IGF2R: variants seen among roughly 807,000 people sequenced by gnomAD.
IGF2R encodes the protein cation-independent mannose-6-phosphate receptor.
Under a neutral mutation model 270.6 loss-of-function variants are expected in IGF2R, and 91 were observed. That is an observed-to-expected ratio of 0.34 (90% CI 0.28 to 0.40). IGF2R has a LOEUF of 0.40. IGF2R is among the 10% of genes least tolerant of loss of function. The pLI, the probability that IGF2R is intolerant of heterozygous loss-of-function variation, is 1.00. For missense variants in IGF2R, 2,805 were observed against 3,188.3 expected (o/e 0.88, Z 2.90); for synonymous variants, 1,316 against 1,258.9 (o/e 1.05, Z -0.96).
chr6:160,067,308 C>G (rs573484829), intron 29 of IGF2R, among the ~76,000 whole-genome samples: 2 of 152,202 alleles, frequency 1.3e-5, no homozygotes, highest in South Asian at 4.2e-4. Context: ...ATTCACAGGT[C>G]CCCTTCTCGG....
chr6:160,054,598 A>G (rs998163627), intron 19 of IGF2R, among the ~76,000 whole-genome samples: 1 of 152,212 alleles, frequency 6.6e-6, no homozygotes, highest in Non-Finnish European at 1.5e-5. Flanking sequence ...TAACGAGGAA[A>G]GGGGTGTAAT....
chr6:160,077,270 G>A (rs756391558), intron 36 of IGF2R, among the ~76,000 whole-genome samples: 1 of 152,196 alleles, frequency 6.6e-6, no homozygotes, highest in Non-Finnish European at 1.5e-5. Flanking sequence ...TTATAGGGGT[G>A]TCTGGGTGTG....
chr6:160,015,221 A>G (rs556229520), intron 4 of IGF2R, among the ~76,000 whole-genome samples: 30 of 152,330 alleles, frequency 2.0e-4, no homozygotes, highest in African/African-American at 5.5e-4. Flanking sequence ...TAAAAGATAA[A>G]ATTTTGGGAA....
At position 160,084,174 on chromosome 6, in the gene IGF2R, A is replaced by G. The variant is rs1255456660; in HGVS notation, c.6058A>G (p.Asn2020Asp). The G allele has an allele frequency of 6.2e-7, 1 of 1,609,642 alleles. No homozygotes were observed. The highest frequency in any genetic ancestry group is 8.5e-7 in the Non-Finnish European group (1 of 1,175,952). ...CACCGGGTCCTGGTCCCTCGTCCAC[A>G]ACGGAGTCTCGTGAGTGCCTTCCCA... Reference protein sequence around the residue: ...SLTGSWSLVHNGVSYYINLCQ... With the variant: ...SLTGSWSLVHDGVSYYINLCQ... The change falls in exon 40 of 48, where the codon AAC becomes GAC. Residue 2020 changes from asparagine to aspartate, a missense_variant. Asn to Asp is a conservative substitution (Grantham distance 23). Transcript: ENST00000356956. This position sits in a 1 kb window ranked among gnomAD's most constrained non-coding sequence, Gnocchi z 4.6.
rs1176676050 is a variant in IGF2R at position 160,064,463 on chromosome 6, G to C, written c.3949G>C (p.Asp1317His). The C allele has an allele frequency of 6.2e-7, 1 of 1,613,924 alleles. No homozygotes were observed. Among genetic ancestry groups the C allele is most frequent in the Non-Finnish European group, 8.5e-7 (1 of 1,179,964 alleles). ...GTTAAAAATGAACTTCACGGGGGGGGACACTTGCCATAAGGTTTATCAGCG... is the reference window on the plus strand; with the variant it reads ...GTTAAAAATGAACTTCACGGGGGGGCACACTTGCCATAAGGTTTATCAGCG... ...GLLKMNFTGG[D>H]TCHKVYQRST... The change falls in exon 28 of 48, where the codon GAC becomes CAC. Residue 1317 changes from aspartate (D) to histidine (H), a missense_variant. Coordinates refer to ENST00000356956, the MANE Select transcript of IGF2R (RefSeq NM_000876.4).
chr6:159,984,038 A>G (rs1214130093), intron 1 of IGF2R, among the ~76,000 whole-genome samples: 1 of 152,228 alleles, frequency 6.6e-6, no homozygotes, highest in Non-Finnish European at 1.5e-5. Flanking sequence ...AAGGAAAAGC[A>G]TATGATCTGT....
chr6:160,065,900 G>A (rs1261931769), intron 29 of IGF2R, among the ~76,000 whole-genome samples: 3 of 146,732 alleles, frequency 2.0e-5, no homozygotes, highest in Non-Finnish European at 4.5e-5. Flanking sequence ...GTGCAGTGGC[G>A]TGATCTTGTC....
intron 1 of IGF2R, among the ~76,000 whole-genome samples, chr6:159,975,334 G>A (rs530062512): frequency 6.6e-6 from 1 of 152,196 alleles, no homozygotes; most frequent in Non-Finnish European, 1.5e-5. Context: ...TGGGGAAGGG[G>A]TGCGGAGCCT....
At chr6:160,040,233 C>T (rs1331901582) in intron 10 of IGF2R, among the ~76,000 whole-genome samples, 2 of 152,122 alleles carry the variant, frequency 1.3e-5, no homozygotes, top group Admixed American at 6.5e-5. Flanking sequence ...GACCACAGCC[C>T]GGGAGCAGAG....
intron 10 of IGF2R, among the ~76,000 whole-genome samples, chr6:160,037,908 A>G (rs1037366245): frequency 2.6e-5 from 4 of 151,984 alleles, no homozygotes; most frequent in Non-Finnish European, 5.9e-5. Flanking sequence ...TGGGAACATC[A>G]ATTTGCTTTG....
At chr6:160,019,601 C>A (rs1205010338) in intron 4 of IGF2R, among the ~76,000 whole-genome samples, 1 of 152,140 alleles carries the variant, frequency 6.6e-6, no homozygotes, top group East Asian at 1.9e-4. Flanking sequence ...AACAGCACTT[C>A]AGAAAAATAA....
At chr6:160,071,149 C>A (rs404209) in intron 31 of IGF2R, among the ~76,000 whole-genome samples, 67,877 of 144,690 alleles carry the variant, frequency 0.47, 16,552 homozygotes, top group East Asian at 0.65. Flanking sequence ...CTCTGTGCCC[C>A]AGACCCAGGA....
At chr6:160,092,097 G>T (rs910440066) in intron 44 of IGF2R, among the ~76,000 whole-genome samples, 3 of 144,990 alleles carry the variant, frequency 2.1e-5, no homozygotes, top group African/African-American at 7.7e-5. Context: ...TGGTGTGTCT[G>T]CAGGATTCCA....
At chr6:160,071,874 G>A (rs201480073) in intron 31 of IGF2R, 36 bp from the exon 32 acceptor site, 88 of 1,606,090 alleles carry the variant, frequency 5.5e-5, no homozygotes, top group Non-Finnish European at 6.7e-5. Flanking sequence ...GAGTTTTTGC[G>A]TGATCCCTTC....
At chr6:160,010,452 G>T (rs1784316270) in intron 3 of IGF2R, 1 of 410,870 alleles carries the variant, frequency 2.4e-6, no homozygotes, top group Admixed American at 3.8e-5. Context: ...TGGGGCGGTA[G>T]AATTCCTTTG....
Position 160,046,510 on chromosome 6 carries a change from A to T in IGF2R, c.1916A>T (p.Asp639Val). 2 of 1,606,946 alleles carry T rather than the reference A, an allele frequency of 1.2e-6. No individual in the cohort carries two copies. The highest frequency in any genetic ancestry group is 1.7e-6 in the Non-Finnish European group (2 of 1,178,468). The change falls in exon 15 of 48, where the codon GAC becomes GTC. Residue 639 changes from aspartate (D) to valine (V), a missense_variant. Coordinates refer to ENST00000356956, the MANE Select transcript of IGF2R (RefSeq NM_000876.4). ...VFDSQAGFSFDLSPLTKKNGA... is the reference protein window; with the variant it reads ...VFDSQAGFSFVLSPLTKKNGA... ...TATTCTTTCTTAGGGTTTTCTTTTG[A>T]CTTATCACCTCTCACAAAGAAAAAT...
In IGF2R at chr6:160,073,635, G is replaced by A. The variant is rs868381182; in HGVS notation, c.4948-122G>A. The A allele has an allele frequency of 8.1e-5, 87 of 1,074,786 alleles. 1 individual carries two copies. In the Middle Eastern group the frequency reaches 8.8e-3, roughly 109 times the overall value. The allele number at this position is 1,074,786 out of a possible 1,614,324, so 66.6% of individuals were successfully genotyped here. The stretch of plus-strand genomic sequence containing the variant: ...GAAGTGCCCAGTGCTATGTAATGAA[G>A]CATTTTGACACCTTTCTACTTTTTT... On this transcript the variant is annotated intron_variant, in intron 34 of 47. Coordinates refer to ENST00000356956, the MANE Select transcript of IGF2R (RefSeq NM_000876.4).
chr6:160,040,461 C>T, intron 10 of IGF2R, 99 bp from the exon 11 acceptor site: 1 of 942,996 alleles, frequency 1.1e-6, no homozygotes, highest in Non-Finnish European at 1.6e-6. Context: ...TTTAACGGAG[C>T]AGTTGGCATT....
chr6:160,090,331 CA>C lies in IGF2R; in HGVS notation c.6655+235del, dbSNP rs76700210. 8.7e-4 allele frequency: 296 copies of C among 340,690 alleles called. 3 individuals carry two copies. In the East Asian group the frequency reaches 0.01, roughly 12 times the overall value. The allele number at this position is 340,690 out of a possible 1,614,324, so 21.1% of individuals were successfully genotyped here. A position where few individuals can be genotyped will look rare whatever the true frequency, so the allele number is the denominator to read the frequency against. The stretch of plus-strand genomic sequence containing the variant: ...GTGTCTTAGTTATCAAGTAAATGTA[CA>C]AAAAAACTAAAACCTGGTCTGATCC... On this transcript the variant is annotated intron_variant, in intron 44 of 47. Coordinates refer to ENST00000356956, the MANE Select transcript of IGF2R (RefSeq NM_000876.4).
Sources: allele counts gnomAD v4.1 joint callset (sites outside exome capture counted in the v4.1 genomes callset), GRCh38; gene constraint gnomAD v4.1.1; non-coding constraint Gnocchi (gnomAD v3.1); transcripts MANE v1.5; gene names NCBI Gene and HGNC (gene_info 2026-07-23, HGNC 2026-07-21).